The following PTPRT variants were observed in gnomAD, a reference collection of about 807,000 sequenced individuals.
PTPRT encodes receptor-type tyrosine-protein phosphatase T.
PTPRT carries 56 observed loss-of-function variants against 176.8 expected under a neutral mutation model. That is an observed-to-expected ratio of 0.32 (90% confidence interval 0.26 to 0.40). PTPRT has a LOEUF of 0.40. Among genes scored for constraint, PTPRT ranks in the 10% least tolerant of loss-of-function variants. The probability of loss-of-function intolerance (pLI) is 1.00; values close to 1 mark genes in which losing one functional copy is unlikely to be tolerated. For missense variants in PTPRT, 1,540 were observed against 1,908.2 expected, an observed-to-expected ratio of 0.81 and a Z score of 3.60; for synonymous variants, 783 against 739.0, an observed-to-expected ratio of 1.06 and a Z score of -0.96.
chr20:42,465,016 G>A (rs1206941471), intron 8 of PTPRT, among the ~76,000 whole-genome samples: 1 of 151,800 alleles, frequency 6.6e-6, no homozygotes, highest in African/African-American at 2.4e-5. Context: ...AATAATATAT[G>A]TTTTGTATGT....
chr20:42,243,625 C>T (rs558451392), intron 14 of PTPRT, among the ~76,000 whole-genome samples: 18 of 152,256 alleles, frequency 1.2e-4, no homozygotes, highest in African/African-American at 4.3e-4. Flanking sequence ...GAAAAACAAG[C>T]CCCAGAGAGG....
chr20:42,409,735 G>T (rs2145732250), intron 9 of PTPRT, among the ~76,000 whole-genome samples: 1 of 152,278 alleles, frequency 6.6e-6, no homozygotes, highest in South Asian at 2.1e-4. Context: ...AAAGAGTTTG[G>T]CATGGCCATG....
intron 15 of PTPRT, among the ~76,000 whole-genome samples, chr20:42,235,761 T>C (rs1300063116): frequency 6.6e-6 from 1 of 152,182 alleles, no homozygotes; most frequent in African/African-American, 2.4e-5. Context: ...GATAAAGTAA[T>C]GAATCCCTGC....
intron 1 of PTPRT, among the ~76,000 whole-genome samples, chr20:42,943,171 C>T (rs1980673767): frequency 6.6e-6 from 1 of 152,190 alleles, no homozygotes; most frequent in African/African-American, 2.4e-5. Flanking sequence ...AATATCCAGG[C>T]AGACAGAAGC....
intron 27 of PTPRT, among the ~76,000 whole-genome samples, chr20:42,090,972 G>A (rs1049568454): frequency 6.6e-6 from 1 of 152,216 alleles, no homozygotes; most frequent in African/African-American, 2.4e-5. Flanking sequence ...TTTTCCAGTG[G>A]TCTGAGGGTG....
chr20:42,764,967 A>G (rs1356549385), intron 5 of PTPRT, among the ~76,000 whole-genome samples: 2 of 152,186 alleles, frequency 1.3e-5, no homozygotes, highest in African/African-American at 4.8e-5. Context: ...GAGCAAGGAA[A>G]CAGGTTTACT....
intron 6 of PTPRT, among the ~76,000 whole-genome samples, chr20:42,683,274 T>C (rs2075635412): frequency 6.6e-6 from 1 of 151,784 alleles, no homozygotes; most frequent in Non-Finnish European, 1.5e-5. Flanking sequence ...CTTGTTTTTT[T>C]TGTTTTGTTT....
intron 12 of PTPRT, among the ~76,000 whole-genome samples, chr20:42,306,101 C>T (rs997544682): frequency 2.6e-5 from 4 of 152,108 alleles, no homozygotes; most frequent in Non-Finnish European, 4.4e-5. Flanking sequence ...AGTATATTTG[C>T]ATGGGAAGGA....
chr20:42,033,601 AGG>A, the PTPRT span, among the ~76,000 whole-genome samples: 1 of 152,152 alleles, frequency 6.6e-6, no homozygotes. Flanking sequence ...CATGGTTAAG[AGG>A]GAAGGTTCTA....
intron 19 of PTPRT, among the ~76,000 whole-genome samples, chr20:42,126,800 G>C (rs76492498): frequency 0.011 from 1,605 of 152,324 alleles, 29 homozygotes; most frequent in African/African-American, 0.035. Flanking sequence ...CTGAATACTG[G>C]ATGTATGAAG....
At chr20:43,033,829 A>G (rs1986252207) in intron 1 of PTPRT, among the ~76,000 whole-genome samples, 1 of 152,128 alleles carries the variant, frequency 6.6e-6, no homozygotes, top group African/African-American at 2.4e-5. Flanking sequence ...GACCTTAAGT[A>G]ACTCTCAAGG....
the PTPRT span, among the ~76,000 whole-genome samples, chr20:42,039,825 A>C: frequency 6.6e-6 from 1 of 151,748 alleles, no homozygotes; most frequent in African/African-American, 2.4e-5. Flanking sequence ...GTATATATAC[A>C]CAATGTTTAT....
chr20:42,085,938 C>CTT, intron 27 of PTPRT, 85 bp from the exon 28 acceptor site: 4 of 1,391,670 alleles, frequency 2.9e-6, no homozygotes, highest in East Asian at 2.4e-5. Context: ...CTTTTCTTTT[C>CTT]TTTTTTTCTT....
intron 8 of PTPRT, among the ~76,000 whole-genome samples, chr20:42,453,545 A>G (rs2070868567): frequency 6.6e-6 from 1 of 152,046 alleles, no homozygotes; most frequent in African/African-American, 2.4e-5. Context: ...AAACATTACT[A>G]TACTATTGAA....
chr20:42,900,437 T>A (rs2079383246), intron 1 of PTPRT, among the ~76,000 whole-genome samples: 1 of 152,146 alleles, frequency 6.6e-6, no homozygotes, highest in African/African-American at 2.4e-5. Flanking sequence ...AATGCCCAAG[T>A]CCTGTCATCT....
At chr20:42,778,558 A>AT (rs1242620916) in intron 4 of PTPRT, among the ~76,000 whole-genome samples, 4 of 152,256 alleles carry the variant, frequency 2.6e-5, no homozygotes, top group African/African-American at 9.6e-5. Context: ...TAGGCAGGGA[A>AT]TGAGGAAGAC....
In PTPRT at chr20:42,074,606, C is replaced by G. The variant is rs41278134; in HGVS notation, c.*6273G>C. 17,506 of 395,342 alleles carry G rather than the reference C, an allele frequency of 0.044. 548 individuals are homozygous for G. The highest frequency in any genetic ancestry group is 0.067 in the Middle Eastern group (106 of 1,578). 24.5% of individuals were successfully genotyped at this position (395,342 alleles called of 1,614,324 possible). On this transcript the variant is annotated 3_prime_UTR_variant, in exon 31 of 31. Coordinates refer to ENST00000373187, the MANE Select transcript of PTPRT (RefSeq NM_007050.6). ...CTCTTCCCAATAGATTTTCTTTCATCCTGAGCCCTTGCACTTCCCTTGTAT... is the reference window on the plus strand; with the variant it reads ...CTCTTCCCAATAGATTTTCTTTCATGCTGAGCCCTTGCACTTCCCTTGTAT...
At chr20:42,398,508 G>A (rs376842924) in intron 9 of PTPRT, among the ~76,000 whole-genome samples, 18 of 152,272 alleles carry the variant, frequency 1.2e-4, no homozygotes, top group African/African-American at 4.3e-4. Context: ...TATTATTTGA[G>A]ATGTGAAAAT....
chr20:43,041,057 G>C (rs1403906217), intron 1 of PTPRT, among the ~76,000 whole-genome samples: 1 of 152,216 alleles, frequency 6.6e-6, no homozygotes, highest in Non-Finnish European at 1.5e-5. Flanking sequence ...TCCATGCATA[G>C]AGCCCAGCAA....
Sources: allele counts gnomAD v4.1 joint callset (sites outside exome capture counted in the v4.1 genomes callset), GRCh38; gene constraint gnomAD v4.1.1; transcripts MANE v1.5; gene names NCBI Gene and HGNC (gene_info 2026-07-23, HGNC 2026-07-21).